Variants in PSIP1 observed in about 807,000 individuals in gnomAD.
PSIP1 encodes PC4 and SRSF1 interacting protein 1, also known as PC4 and SFRS1-interacting protein.
In PSIP1, 19 loss-of-function variants were observed where a neutral mutation model predicts 74.7. The ratio of observed to expected loss-of-function variants is 0.25; its 90% CI spans 0.18 to 0.37. The LOEUF is 0.37. Among genes scored for constraint, PSIP1 ranks in the 10% least tolerant of loss-of-function variants. PSIP1 has a pLI of 1.00. For missense variants in PSIP1, 601 were observed against 614.3 expected (o/e 0.98, Z 0.23); for synonymous variants, 222 against 195.3 (o/e 1.14, Z -1.14).
intron 1 of PSIP1, among the ~76,000 whole-genome samples, chr9:15,510,591 G>C (rs2277191): frequency 2.0e-5 from 3 of 151,968 alleles, no homozygotes; most frequent in East Asian, 1.9e-4. Flanking sequence ...TTTTTCCACC[G>C]AGCTTAAGCC....
At chr9:15,486,139 A>G (rs1171697510) in intron 5 of PSIP1, 71 bp from the exon 6 acceptor site, 16 of 1,302,812 alleles carry the variant, frequency 1.2e-5, no homozygotes, top group East Asian at 4.7e-5. Context: ...TGTTAAACTA[A>G]AAGTTACAAG....
intron 3 of PSIP1, among the ~76,000 whole-genome samples, chr9:15,501,723 T>C (rs1014359652): frequency 6.6e-6 from 1 of 151,792 alleles, no homozygotes. Flanking sequence ...GACTGAGATA[T>C]AAAGATCTCT....
chr9:15,487,873 A>C (rs1019691999), intron 4 of PSIP1, among the ~76,000 whole-genome samples: 26 of 152,232 alleles, frequency 1.7e-4, no homozygotes, highest in Admixed American at 9.2e-4. Context: ...TGGTTCGATG[A>C]ATCCATTAAC....
At chr9:15,487,140 T>G (rs542615847) in intron 4 of PSIP1, among the ~76,000 whole-genome samples, 6 of 150,866 alleles carry the variant, frequency 4.0e-5, no homozygotes, top group Non-Finnish European at 7.4e-5. Context: ...GTCGAGGCTG[T>G]AGTGAACCAT....
chr9:15,468,876 T>C, intron 13 of PSIP1, 33 bp from the exon 14 acceptor site: 1 of 1,606,282 alleles, frequency 6.2e-7, no homozygotes, highest in Non-Finnish European at 8.5e-7. Flanking sequence ...TCATAATTGT[T>C]TTCCTAATTG....
Position 15,464,406 on chromosome 9 carries a change from T to C in PSIP1, c.*1114A>G, listed in dbSNP as rs539021133. The C allele has an allele frequency of 1.5e-5, 3 of 197,168 alleles. No individual in the cohort carries two copies. Among genetic ancestry groups the C allele is most frequent in the Admixed American group, 1.2e-4 (2 of 16,486 alleles). 12.2% of individuals were successfully genotyped at this position (197,168 alleles called of 1,614,324 possible). On this transcript the variant is annotated 3_prime_UTR_variant, in exon 16 of 16. Coordinates refer to ENST00000380733, the MANE Select transcript of PSIP1 (RefSeq NM_033222.5). Reference sequence around the variant, plus strand: ...CCAAATGACCCTAATATTCAAAATATCTTAGAAATGCTATCCTTTAGTTAA... The same window carrying C: ...CCAAATGACCCTAATATTCAAAATACCTTAGAAATGCTATCCTTTAGTTAA...
chr9:15,470,130 TTAGAATGGTGCAGTTCCGTAGCATAAA>T (rs2035764163), intron 10 of PSIP1, 137 bp from the exon 11 acceptor site: 2 of 666,878 alleles, frequency 3.0e-6, no homozygotes, highest in Non-Finnish European at 5.2e-6. Flanking sequence ...ACTGTAGCTC[TTAGAATGGTGCAGTTCCGTAGCATAAA>T]TATAAGCAAA....
intron 5 of PSIP1, among the ~76,000 whole-genome samples, chr9:15,486,475 T>C (rs927225634): frequency 6.6e-6 from 1 of 152,192 alleles, no homozygotes; most frequent in African/African-American, 2.4e-5. Flanking sequence ...TCATATACAG[T>C]TGGACATCAA....
At chr9:15,470,558 T>C (rs930439214) in intron 10 of PSIP1, 12 of 910,990 alleles carry the variant, frequency 1.3e-5, no homozygotes, top group African/African-American at 1.8e-5. Context: ...TCTTAATTTC[T>C]AGTACCTTGG....
At chr9:15,496,766 G>C (rs1053313159) in intron 3 of PSIP1, among the ~76,000 whole-genome samples, 12 of 152,130 alleles carry the variant, frequency 7.9e-5, no homozygotes, top group African/African-American at 2.9e-4. Context: ...TTTTACAAAT[G>C]TAAATTCATG....
intron 3 of PSIP1, among the ~76,000 whole-genome samples, chr9:15,491,117 T>C (rs2036810467): frequency 6.6e-6 from 1 of 152,224 alleles, no homozygotes; most frequent in African/African-American, 2.4e-5. Context: ...GACACCTTAT[T>C]TAATACAGAC....
intron 3 of PSIP1, among the ~76,000 whole-genome samples, chr9:15,504,563 C>A (rs1247013444): frequency 1.3e-5 from 2 of 151,920 alleles, no homozygotes; most frequent in African/African-American, 2.4e-5. Context: ...CGGTGAAACC[C>A]CATCTCTACT....
At chr9:15,491,240 T>C (rs2036816617) in intron 3 of PSIP1, among the ~76,000 whole-genome samples, 1 of 152,198 alleles carries the variant, frequency 6.6e-6, no homozygotes, top group Non-Finnish European at 1.5e-5. Context: ...CACTTTAGCA[T>C]TATGCTTGGG....
In PSIP1 at chr9:15,465,277, A is replaced by C; in HGVS notation, c.*243T>G. The stretch of plus-strand genomic sequence containing the variant: ...AATATGCTACAACCATGTCTGGAAA[A>C]GCAGTTTAACATTTTCTAAATGGAT... On this transcript the variant is annotated 3_prime_UTR_variant, in exon 16 of 16. Transcript: ENST00000380733. 2.3e-6 allele frequency: 1 copy of C among 428,834 alleles called. No homozygotes were observed. The highest frequency in any genetic ancestry group is 4.1e-6 in the Non-Finnish European group (1 of 244,980). 26.6% of individuals were successfully genotyped at this position (428,834 alleles called of 1,614,324 possible).
intron 3 of PSIP1, among the ~76,000 whole-genome samples, chr9:15,490,676 C>CT (rs1221356267): frequency 4.6e-4 from 49 of 105,546 alleles, no homozygotes; most frequent in Non-Finnish European, 1.4e-4. Context: ...GAGTGAGACT[C>CT]TGTCTCAAAA....
chr9:15,474,224 C>T lies in PSIP1; in HGVS notation c.643G>A (p.Asp215Asn), dbSNP rs2035977220. 1 of 1,609,770 alleles carries T rather than the reference C, an allele frequency of 6.2e-7. No individual in the cohort carries two copies. Among genetic ancestry groups the T allele is most frequent in the Non-Finnish European group, 8.5e-7 (1 of 1,178,712 alleles). ...PSESDIITEE[D>N]KSKKKGQEEK... ...TCTTGCCCCTTTTTCTTACTTTTGT[C>T]CTCTTCAGTAATGCTATTTTAGAGA... is the stretch of plus-strand genomic sequence containing the variant. The change falls in exon 9 of 16, where the codon GAC becomes AAC. Residue 215 changes from aspartate to asparagine, a missense_variant. Physicochemically the swap from Asp to Asn is conservative, Grantham distance 23. Coordinates refer to ENST00000380733, the MANE Select transcript of PSIP1 (RefSeq NM_033222.5).
At chr9:15,467,621 T>C (rs1294462219) in intron 14 of PSIP1, among the ~76,000 whole-genome samples, 1 of 152,174 alleles carries the variant, frequency 6.6e-6, no homozygotes, top group African/African-American at 2.4e-5. Flanking sequence ...ACAATGATCA[T>C]AAACTGAACT....
In PSIP1 at chr9:15,468,300, CAG is replaced by C. The variant is rs530969703; in HGVS notation, c.1420+328_1420+329del. The stretch of plus-strand genomic sequence containing the variant: ...TTTTACTTTTTAGGTGAGAAGAAAA[CAG>C]AAGCAGCTGAGCAACCAGGAAGTGG... On this transcript the variant is annotated intron_variant, in intron 14 of 15. Transcript: ENST00000380733. 66 of 561,742 alleles carry C rather than the reference CAG, an allele frequency of 1.2e-4. No homozygotes were observed. In the East Asian group the frequency reaches 2.2e-3, roughly 19 times the overall value. The allele number at this position is 561,742 out of a possible 1,614,324, so 34.8% of individuals were successfully genotyped here. A position where few individuals can be genotyped will look rare whatever the true frequency, so the allele number is the denominator to read the frequency against.
At chr9:15,502,053 C>A (rs1586858163) in intron 3 of PSIP1, among the ~76,000 whole-genome samples, 1 of 151,982 alleles carries the variant, frequency 6.6e-6, no homozygotes, top group Non-Finnish European at 1.5e-5. Context: ...CCCTACTGTG[C>A]ACTGCACATG....
Sources: gnomAD v4.1 joint callset for allele counts (sites outside exome capture counted in the v4.1 genomes callset) on GRCh38, gnomAD v4.1.1 for gene constraint, MANE v1.5 for transcripts, NCBI Gene and HGNC (gene_info 2026-07-23, HGNC 2026-07-21) for gene names.